SLC2A9: variants seen among roughly 807,000 people sequenced by gnomAD.
SLC2A9 encodes solute carrier family 2 member 9.
Under a neutral mutation model 50.6 loss-of-function variants are expected in SLC2A9, and 39 were observed. The ratio of observed to expected loss-of-function variants is 0.77; its 90% CI spans 0.60 to 1.01. SLC2A9 has a LOEUF of 1.01. Ranked by LOEUF, SLC2A9 falls within the 50% of genes least tolerant of loss-of-function variation. The pLI is 0.00. For synonymous variants in SLC2A9, 324 were observed against 276.9 expected (o/e 1.17, Z -1.69); for missense variants, 686 against 677.6 (o/e 1.01, Z -0.14).
intron 10 of SLC2A9, chr4:9,879,271 G>A (rs1734805854): frequency 2.0e-6 from 2 of 985,286 alleles, no homozygotes; most frequent in Non-Finnish European, 2.4e-6. Context: ...TTTTGAAGAT[G>A]AGAAGCCACA....
Position 9,901,042 on chromosome 4 carries a change from A to C in SLC2A9, c.1113+7193T>G, listed in dbSNP as rs372183586. Among the ~76,000 whole-genome samples the C allele has an allele frequency of 2.4e-4, 36 of 152,304 alleles. No individual in the cohort carries two copies. In the Middle Eastern group the frequency reaches 0.02, roughly 86 times the overall value. On this transcript the variant is annotated intron_variant, in intron 8 of 11. Coordinates refer to ENST00000264784, the MANE Select transcript of SLC2A9 (RefSeq NM_020041.3). Reference sequence around the variant, plus strand: ...GCCTGCTTCCTGCTCAGGCAATGGTAACACTAATGCTTTTGATCTAAGCTC... The same window carrying C: ...GCCTGCTTCCTGCTCAGGCAATGGTCACACTAATGCTTTTGATCTAAGCTC...
chr4:9,887,791 G>A (rs1193123530), intron 9 of SLC2A9, 149 bp from the exon 10 acceptor site: 8 of 490,234 alleles, frequency 1.6e-5, no homozygotes, highest in African/African-American at 1.4e-4. Context: ...TCTATAACAT[G>A]GGAACAATGA....
At chr4:9,980,885 G>A in intron 4 of SLC2A9, 148 bp from the exon 5 acceptor site, 2 of 1,020,258 alleles carry the variant, frequency 2.0e-6, no homozygotes, top group South Asian at 1.4e-5. Flanking sequence ...AGCACAAATT[G>A]CCAAAGCTTT....
chr4:9,860,994 A>G (rs1450924524), intron 10 of SLC2A9, among the ~76,000 whole-genome samples: 2 of 152,104 alleles, frequency 1.3e-5, no homozygotes, highest in African/African-American at 4.8e-5. Context: ...GGCTACCCTA[A>G]GATAGCATTT....
intron 5 of SLC2A9, among the ~76,000 whole-genome samples, chr4:9,970,426 G>T (rs1320182962): frequency 6.6e-6 from 1 of 152,088 alleles, no homozygotes; most frequent in East Asian, 1.9e-4. Flanking sequence ...GCAAGTGGGG[G>T]TACTGTAGTC....
At chr4:9,928,994 A>G (rs1455737963) in intron 6 of SLC2A9, among the ~76,000 whole-genome samples, 2 of 152,180 alleles carry the variant, frequency 1.3e-5, no homozygotes, top group African/African-American at 4.8e-5. Flanking sequence ...TTCCTGATGG[A>G]CGGGATTACA....
At chr4:9,904,622 A>G (rs1209372514) in intron 8 of SLC2A9, among the ~76,000 whole-genome samples, 1 of 152,168 alleles carries the variant, frequency 6.6e-6, no homozygotes, top group Non-Finnish European at 1.5e-5. Context: ...TGTTTTGCCT[A>G]CCACAGGTGG....
chr4:9,848,902 G>C (rs2109296392), intron 10 of SLC2A9, among the ~76,000 whole-genome samples: 1 of 152,208 alleles, frequency 6.6e-6, no homozygotes, highest in East Asian at 1.9e-4. Context: ...CGGGGTTTCT[G>C]CATGTTGGTC....
chr4:9,898,606 G>A (rs1025325265), intron 8 of SLC2A9, among the ~76,000 whole-genome samples: 6 of 152,338 alleles, frequency 3.9e-5, no homozygotes, highest in East Asian at 3.9e-4. Flanking sequence ...CCTTTTGGTC[G>A]TAGAAGATGC....
chr4:9,863,073 G>T (rs937435512), intron 10 of SLC2A9, among the ~76,000 whole-genome samples: 1 of 151,968 alleles, frequency 6.6e-6, no homozygotes, highest in Non-Finnish European at 1.5e-5. Context: ...GCTTGACGGG[G>T]ACCGAGAAAT....
chr4:10,013,568 G>A (rs1238592186), intron 2 of SLC2A9, among the ~76,000 whole-genome samples: 1 of 152,198 alleles, frequency 6.6e-6, no homozygotes, highest in Non-Finnish European at 1.5e-5. Context: ...ATTATAACAA[G>A]GATCCAGTGT....
intron 2 of SLC2A9, among the ~76,000 whole-genome samples, chr4:10,006,060 T>C (rs991796614): frequency 3.9e-5 from 6 of 152,172 alleles, no homozygotes; most frequent in Non-Finnish European, 8.8e-5. Flanking sequence ...GTTGTTGATA[T>C]TTTTACTGCT....
downstream of SLC2A9, among the ~76,000 whole-genome samples, chr4:9,796,945 T>G (rs577330300): frequency 1.2e-4 from 19 of 152,264 alleles, no homozygotes; most frequent in South Asian, 4.0e-3. Flanking sequence ...CCAATGTCAG[T>G]GGGGTGGGGA....
chr4:9,930,260 C>A (rs1335680164), intron 6 of SLC2A9, among the ~76,000 whole-genome samples: 1 of 152,196 alleles, frequency 6.6e-6, no homozygotes, highest in Admixed American at 6.5e-5. Context: ...TTCATCAGAG[C>A]AAGACGGATA....
intron 10 of SLC2A9, among the ~76,000 whole-genome samples, chr4:9,859,819 A>T (rs1731318280): frequency 6.6e-6 from 1 of 152,188 alleles, no homozygotes; most frequent in Non-Finnish European, 1.5e-5. Context: ...GAAGTCAGGG[A>T]GCGCCTGCTC....
intron 5 of SLC2A9, among the ~76,000 whole-genome samples, chr4:9,952,528 C>G (rs2108855442): frequency 1.4e-5 from 1 of 69,814 alleles, no homozygotes; most frequent in South Asian, 3.6e-4. Context: ...TGTCTCAGAT[C>G]TGTCTGTCTT....
intron 5 of SLC2A9, among the ~76,000 whole-genome samples, chr4:9,942,928 A>G (rs965814165): frequency 2.0e-4 from 30 of 152,228 alleles, no homozygotes; most frequent in Admixed American, 3.3e-4. Context: ...AGAAGGTACA[A>G]GGAGATGGCC....
chr4:9,915,411 A>G (rs1469722230), intron 7 of SLC2A9, among the ~76,000 whole-genome samples: 3 of 152,030 alleles, frequency 2.0e-5, no homozygotes, highest in Non-Finnish European at 4.4e-5. Context: ...CTAATTTTCT[A>G]TTTTTAGTAG....
chr4:9,863,376 A>G (rs2109415891), intron 10 of SLC2A9, among the ~76,000 whole-genome samples: 1 of 152,080 alleles, frequency 6.6e-6, no homozygotes, highest in African/African-American at 2.4e-5. Flanking sequence ...TGAACTCATG[A>G]GCTCAAGAAA....
Sources: gnomAD v4.1 joint callset for allele counts (sites outside exome capture counted in the v4.1 genomes callset) on GRCh38, gnomAD v4.1.1 for gene constraint, MANE v1.5 for transcripts, NCBI Gene and HGNC (gene_info 2026-07-23, HGNC 2026-07-21) for gene names.